ATXN2: variants seen among roughly 807,000 people sequenced by gnomAD.
ATXN2 encodes ataxin 2.
In ATXN2, 37 loss-of-function variants were observed where a neutral mutation model predicts 138.6. The ratio of observed to expected loss-of-function variants is 0.27; its 90% confidence interval spans 0.21 to 0.35. The LOEUF (loss-of-function observed/expected upper bound fraction) is 0.35, where lower values mean the gene tolerates loss of function less well. Among genes scored for constraint, ATXN2 ranks in the 10% least tolerant of loss-of-function variants. ATXN2 has a pLI of 1.00. For missense variants in ATXN2, 1,216 were observed against 1,480.3 expected (o/e 0.82, Z 2.93); for synonymous variants, 549 against 543.7 (o/e 1.01, Z -0.13).
rs1885060737 is a variant in ATXN2 at position 111,598,596 on chromosome 12, C to G, written c.251+188G>C. 1 of 977,044 alleles carries G rather than the reference C, an allele frequency of 1.0e-6. No individual in the cohort carries two copies. The highest frequency in any genetic ancestry group is 6.1e-5 in the Admixed American group (1 of 16,270). The allele number at this position is 977,044 out of a possible 1,614,324, so 60.5% of individuals were successfully genotyped here. A position where few individuals can be genotyped will look rare whatever the true frequency, so the allele number is the denominator to read the frequency against. On this transcript the variant is annotated intron_variant, in intron 1 of 24. Transcript: ENST00000673436. This position sits in a 1 kb window ranked among gnomAD's most constrained non-coding sequence, Gnocchi z 4.5. ...CGGGAGGCTGGACAGGCCTGACAATCCCAGAGGACCCCGGCTGCGCCCACC... is the reference window on the plus strand; with the variant it reads ...CGGGAGGCTGGACAGGCCTGACAATGCCAGAGGACCCCGGCTGCGCCCACC...
At chr12:111,579,257 C>A (rs960849021) in intron 1 of ATXN2, among the ~76,000 whole-genome samples, 1 of 151,788 alleles carries the variant, frequency 6.6e-6, no homozygotes, top group African/African-American at 2.4e-5. Context: ...ATATTCATAC[C>A]AGCTTTATTT....
chr12:111,573,382 G>T (rs969566178), intron 1 of ATXN2, among the ~76,000 whole-genome samples: 2 of 152,066 alleles, frequency 1.3e-5, no homozygotes, highest in Non-Finnish European at 2.9e-5. Context: ...TTTTAGTAGA[G>T]ACGGAGTTTT....
intron 18 of ATXN2, among the ~76,000 whole-genome samples, chr12:111,484,300 T>C (rs75153104): frequency 6.6e-6 from 1 of 152,070 alleles, no homozygotes; most frequent in African/African-American, 2.4e-5. Flanking sequence ...TTTTTTTTTT[T>C]TGAGATAGGG....
At chr12:111,486,711 A>AT (rs777088492) in intron 16 of ATXN2, 50 bp downstream of exon 16, 1 of 1,483,164 alleles carries the variant, frequency 6.7e-7, no homozygotes, top group South Asian at 1.2e-5. Context: ...ATTACTAATA[A>AT]TTTTTCTTTT....
chr12:111,527,045 A>C (rs567710801), intron 5 of ATXN2, among the ~76,000 whole-genome samples: 1 of 152,314 alleles, frequency 6.6e-6, no homozygotes, highest in African/African-American at 2.4e-5. Context: ...AAGAGTACTG[A>C]CTTATGAAAG....
chr12:111,554,195 G>A lies in ATXN2; in HGVS notation c.311C>T (p.Ala104Val). The change falls in exon 3 of 25, where the codon GCA becomes GTA. Residue 104 changes from alanine (A) to valine (V), a missense_variant. By Grantham distance (64) the Ala-to-Val change is moderately conservative. Coordinates refer to ENST00000673436, the MANE Select transcript of ATXN2 (RefSeq NM_001372574.1). ...QSTISFDGIY[A>V]NMRMVHILTS... is the part of the protein sequence containing the mutation. ...AAGTATATGAACCATCCTCATATTT[G>A]CATAGATTCCATCAAAAGAAATCTG... is the stretch of plus-strand genomic sequence containing the variant. 6.8e-7 allele frequency: 1 copy of A among 1,461,786 alleles called. No individual in the cohort carries two copies. Among genetic ancestry groups the A allele is most frequent in the South Asian group, 1.4e-5 (1 of 71,878 alleles). 90.6% of individuals were successfully genotyped at this position (1,461,786 alleles called of 1,614,324 possible). A position where few individuals can be genotyped will look rare whatever the true frequency, so the allele number is the denominator to read the frequency against.
intron 1 of ATXN2, among the ~76,000 whole-genome samples, chr12:111,579,090 A>C (rs1306129342): frequency 6.6e-6 from 1 of 152,168 alleles, no homozygotes; most frequent in South Asian, 2.1e-4. Flanking sequence ...TCACTTTAGC[A>C]AACAGTTTAG....
intron 5 of ATXN2, among the ~76,000 whole-genome samples, chr12:111,541,875 C>T (rs998197600): frequency 7.4e-5 from 11 of 147,692 alleles, no homozygotes; most frequent in African/African-American, 2.2e-4. Context: ...CTACGGGGTT[C>T]GAGTAATTCT....
chr12:111,530,891 C>G (rs1205422150), intron 5 of ATXN2, among the ~76,000 whole-genome samples: 1 of 151,680 alleles, frequency 6.6e-6, no homozygotes, highest in Non-Finnish European at 1.5e-5. Flanking sequence ...TTTGGGAGGC[C>G]GAGGCGGGCG....
intron 20 of ATXN2, among the ~76,000 whole-genome samples, chr12:111,465,266 G>A (rs1875907311): frequency 6.6e-6 from 1 of 151,080 alleles, no homozygotes; most frequent in Non-Finnish European, 1.5e-5. Context: ...AAAGGCAGTT[G>A]TCAGGTGGAG....
chr12:111,585,801 C>CAAAA (rs761433806), intron 1 of ATXN2, among the ~76,000 whole-genome samples: 39 of 24,788 alleles, frequency 1.6e-3, no homozygotes, highest in Non-Finnish European at 7.0e-3. Context: ...AACTCCATCT[C>CAAAA]AAAAAAAAAA....
At chr12:111,597,033 CA>C (rs1177096840) in intron 1 of ATXN2, among the ~76,000 whole-genome samples, 1 of 151,972 alleles carries the variant, frequency 6.6e-6, no homozygotes, top group Non-Finnish European at 1.5e-5. Flanking sequence ...TAAATTTTTT[CA>C]TTTTTCGCTA....
At chr12:111,565,350 T>C (rs1882936967) in intron 1 of ATXN2, among the ~76,000 whole-genome samples, 1 of 152,226 alleles carries the variant, frequency 6.6e-6, no homozygotes, top group African/African-American at 2.4e-5. Context: ...TCTTTGCGCC[T>C]GTGTCACATT....
intron 1 of ATXN2, among the ~76,000 whole-genome samples, chr12:111,572,362 T>C (rs968772720): frequency 2.2e-4 from 33 of 151,524 alleles, no homozygotes; most frequent in South Asian, 2.1e-3. Context: ...GATGGCACCA[T>C]TGCACTCCAG....
intron 20 of ATXN2, among the ~76,000 whole-genome samples, chr12:111,468,079 A>G (rs1593102977): frequency 6.6e-6 from 1 of 152,274 alleles, no homozygotes; most frequent in East Asian, 1.9e-4. Context: ...CCACTTGTTA[A>G]ATCATGATGT....
Position 111,598,970 on chromosome 12 carries a change from TGCTGCTGTTGC to T in ATXN2, c.54_64del (p.Gln19AlafsTer67). The T allele has an allele frequency of 6.7e-7, 1 of 1,500,134 alleles. No individual in the cohort carries two copies. Among genetic ancestry groups the T allele is most frequent in the East Asian group, 2.7e-5 (1 of 37,038 alleles). 92.9% of individuals were successfully genotyped at this position (1,500,134 alleles called of 1,614,324 possible). On this transcript the variant is annotated frameshift_variant, in exon 1 of 25. Transcript: ENST00000673436. LOFTEE classifies it high-confidence loss of function. This position sits in a 1 kb window ranked among gnomAD's most constrained non-coding sequence, Gnocchi z 4.5. Reference sequence around the variant, plus strand: ...CGGCGGCTGCTGCTGCTGCTGCTGCTGCTGCTGTTGCTGCTGCTGCTGCTGCTGCTGCTGCT... The same window carrying T: ...CGGCGGCTGCTGCTGCTGCTGCTGCTTGCTGCTGCTGCTGCTGCTGCTGCT...
In ATXN2 at chr12:111,464,723, T is replaced by G; in HGVS notation, c.2843-8A>C. 3 of 1,609,434 alleles carry G rather than the reference T, an allele frequency of 1.9e-6. No homozygotes were observed. The highest frequency in any genetic ancestry group is 2.6e-6 in the Non-Finnish European group (3 of 1,176,326). ...ATGGTAATTTGGGACATGCTGAATTTGGGAAATAGAAAGGTAAATTAGCCT... is the reference window on the plus strand; with the variant it reads ...ATGGTAATTTGGGACATGCTGAATTGGGGAAATAGAAAGGTAAATTAGCCT... On this transcript the variant is annotated splice_region_variant and splice_polypyrimidine_tract_variant and intron_variant, in intron 20 of 24. Transcript: ENST00000673436.
intron 1 of ATXN2, among the ~76,000 whole-genome samples, chr12:111,561,008 C>T (rs1882652854): frequency 6.6e-6 from 1 of 150,904 alleles, no homozygotes; most frequent in Admixed American, 6.6e-5. Context: ...GCTGAAACCC[C>T]ATCTCTACTA....
chr12:111,545,083 C>T (rs935460223), intron 5 of ATXN2, among the ~76,000 whole-genome samples: 4 of 151,680 alleles, frequency 2.6e-5, no homozygotes, highest in African/African-American at 9.7e-5. Context: ...GGCGTGAACC[C>T]GGGAGGCGGA....
Sources: allele counts gnomAD v4.1 joint callset (sites outside exome capture counted in the v4.1 genomes callset), GRCh38; gene constraint gnomAD v4.1.1; non-coding constraint Gnocchi (gnomAD v3.1); transcripts MANE v1.5; gene names NCBI Gene and HGNC (gene_info 2026-07-23, HGNC 2026-07-21).